The following EIF4E variants were observed in gnomAD, a reference collection of about 807,000 sequenced individuals.
EIF4E encodes eIF-4F 25 kDa subunit.
For synonymous variants in EIF4E, 71 were observed against 88.5 expected, an observed-to-expected ratio of 0.80 and a Z score of 1.11; for missense variants, 113 against 265.6, an observed-to-expected ratio of 0.43 and a Z score of 3.99.
At chr4:98,904,583 C>T (rs752933477) in intron 1 of EIF4E, among the ~76,000 whole-genome samples, 4 of 152,114 alleles carry the variant, frequency 2.6e-5, no homozygotes, top group Admixed American at 2.0e-4. Flanking sequence ...CCAGCCTGGC[C>T]GACATGGTGA....
intron 1 of EIF4E, among the ~76,000 whole-genome samples, chr4:98,904,892 GTC>G: frequency 6.6e-6 from 1 of 151,808 alleles, no homozygotes. Context: ...AAAATCTTTA[GTC>G]TTCACTTTTA....
At chr4:98,921,996 T>C (rs921567193) in intron 1 of EIF4E, among the ~76,000 whole-genome samples, 10 of 152,212 alleles carry the variant, frequency 6.6e-5, no homozygotes, top group Non-Finnish European at 8.8e-5. Context: ...TTATCTAACA[T>C]TGTAATATAA....
At chr4:98,895,729 A>C (rs1369118286) in intron 2 of EIF4E, among the ~76,000 whole-genome samples, 1 of 152,140 alleles carries the variant, frequency 6.6e-6, no homozygotes, top group Non-Finnish European at 1.5e-5. Context: ...CAAAACAAAA[A>C]CCTCTGCACC....
intron 2 of EIF4E, among the ~76,000 whole-genome samples, chr4:98,898,342 C>T (rs1372997094): frequency 2.0e-5 from 3 of 152,138 alleles, no homozygotes; most frequent in Non-Finnish European, 2.9e-5. Flanking sequence ...GGTGCGGTGG[C>T]TCATGCCTGT....
In EIF4E at chr4:98,902,640, G is replaced by A. The variant is rs111343689; in HGVS notation, c.19-658C>T. ...TAACATACCATCATATTAAGATACT[G>A]CATATGGTACTGAAGGGGGTATCAG... On this transcript the variant is annotated intron_variant, in intron 1 of 6. Transcript: ENST00000450253. Among the ~76,000 whole-genome samples the A allele has an allele frequency of 4.2e-3, 644 of 152,050 alleles. 5 individuals are homozygous for A. The highest frequency in any genetic ancestry group is 0.014 in the African/African-American group (576 of 41,456).
chr4:98,889,334 A>G (rs1724054582), intron 3 of EIF4E, among the ~76,000 whole-genome samples: 1 of 152,182 alleles, frequency 6.6e-6, no homozygotes, highest in African/African-American at 2.4e-5. Flanking sequence ...GCAACAAAAA[A>G]AGACGGGATA....
At chr4:98,921,996 T>A (rs921567193) in intron 1 of EIF4E, among the ~76,000 whole-genome samples, 1 of 152,212 alleles carries the variant, frequency 6.6e-6, no homozygotes, top group African/African-American at 2.4e-5. Flanking sequence ...TTATCTAACA[T>A]TGTAATATAA....
chr4:98,902,021 T>C, intron 1 of EIF4E, 39 bp from the exon 2 acceptor site: 2 of 1,556,594 alleles, frequency 1.3e-6, no homozygotes, highest in Non-Finnish European at 1.8e-6. Flanking sequence ...TTAAATGTCT[T>C]AACACATCTA....
At chr4:98,890,368 T>C (rs1258515196) in intron 3 of EIF4E, among the ~76,000 whole-genome samples, 2 of 152,242 alleles carry the variant, frequency 1.3e-5, no homozygotes, top group Non-Finnish European at 2.9e-5. Context: ...AAAGTGCTTA[T>C]TAAAGAGTTT....
intron 1 of EIF4E, chr4:98,909,890 G>T: frequency 1.7e-6 from 1 of 587,440 alleles, no homozygotes; most frequent in South Asian, 2.3e-5. Flanking sequence ...AGAGAGCCAG[G>T]GTAATCATGG....
At chr4:98,928,844 G>A in intron 1 of EIF4E, 1 of 1,533,836 alleles carries the variant, frequency 6.5e-7, no homozygotes, top group Non-Finnish European at 8.8e-7. Context: ...TCCGCAGGAG[G>A]CGCCACGCCG....
chr4:98,883,663 A>G (rs953425017), intron 6 of EIF4E, among the ~76,000 whole-genome samples: 3 of 151,956 alleles, frequency 2.0e-5, no homozygotes, highest in Admixed American at 1.3e-4. Flanking sequence ...TCAGCCTCCC[A>G]AAGTGCTGCG....
Position 98,887,813 on chromosome 4 carries a change from T to G in EIF4E, c.285+76A>C. The G allele has an allele frequency of 7.5e-7, 1 of 1,340,068 alleles. No homozygotes were observed. Among genetic ancestry groups the G allele is most frequent in the Non-Finnish European group, 1.1e-6 (1 of 944,722 alleles). 83.0% of individuals were successfully genotyped at this position (1,340,068 alleles called of 1,614,324 possible). A position where few individuals can be genotyped will look rare whatever the true frequency, so the allele number is the denominator to read the frequency against. On this transcript the variant is annotated intron_variant, in intron 4 of 6. Transcript: ENST00000450253. The surrounding 1 kb of genome is among the most constrained non-coding windows in gnomAD (Gnocchi z 4.0). ...ATCACACTATCAAATATTCCTAAGT[T>G]TATGGTAAGATTTCTTAATGAATAC...
In EIF4E at chr4:98,879,906, T is replaced by C. The variant is rs1057128158; in HGVS notation, c.*1122A>G. On this transcript the variant is annotated 3_prime_UTR_variant, in exon 7 of 7. Coordinates refer to ENST00000450253, the MANE Select transcript of EIF4E (RefSeq NM_001968.5). ...TACTACCTATTCAATTTATTAAAAATTGTAATAAACATAATAATCAAACTA... is the reference window on the plus strand; with the variant it reads ...TACTACCTATTCAATTTATTAAAAACTGTAATAAACATAATAATCAAACTA... The C allele has an allele frequency of 2.0e-5, 3 of 152,160 alleles. No homozygotes were observed. Among genetic ancestry groups the C allele is most frequent in the African/African-American group, 7.2e-5 (3 of 41,442 alleles). 9.4% of individuals were successfully genotyped at this position (152,160 alleles called of 1,614,324 possible). A position where few individuals can be genotyped will look rare whatever the true frequency, so the allele number is the denominator to read the frequency against.
chr4:98,907,353 C>T (rs1232564236), intron 1 of EIF4E, among the ~76,000 whole-genome samples: 1 of 152,058 alleles, frequency 6.6e-6, no homozygotes, highest in Non-Finnish European at 1.5e-5. Flanking sequence ...TCTTTGGCCT[C>T]ATGAATGGCT....
intron 2 of EIF4E, chr4:98,895,490 C>T (rs1414240742): frequency 1.3e-5 from 2 of 152,152 alleles, no homozygotes; most frequent in Admixed American, 6.5e-5. Flanking sequence ...CTCATCAACA[C>T]GAATGTTGTC....
chr4:98,921,120 G>A (rs1725627918), intron 1 of EIF4E, among the ~76,000 whole-genome samples: 1 of 152,124 alleles, frequency 6.6e-6, no homozygotes, highest in Non-Finnish European at 1.5e-5. Flanking sequence ...AAGGAACTAT[G>A]TGACCGTGGT....
chr4:98,895,142 T>C (rs1304595518), intron 2 of EIF4E: 1 of 152,184 alleles, frequency 6.6e-6, no homozygotes, highest in East Asian at 1.9e-4. Flanking sequence ...TCACAGATCA[T>C]AACAGATACA....
chr4:98,928,312 G>A (rs1579193506), intron 1 of EIF4E, among the ~76,000 whole-genome samples: 1 of 151,900 alleles, frequency 6.6e-6, no homozygotes, highest in South Asian at 2.1e-4. Flanking sequence ...CCAGTCCCAA[G>A]CATGGAGGGG....
Sources: allele counts gnomAD v4.1 joint callset (sites outside exome capture counted in the v4.1 genomes callset), GRCh38; gene constraint gnomAD v4.1.1; non-coding constraint Gnocchi (gnomAD v3.1); transcripts MANE v1.5; gene names NCBI Gene and HGNC (gene_info 2026-07-23, HGNC 2026-07-21).